Variants in SH3KBP1 observed in about 807,000 individuals in gnomAD.
SH3KBP1 encodes the protein SH3 domain-containing kinase-binding protein 1.
A neutral mutation model predicts 50.1 loss-of-function variants in SH3KBP1; 8 were observed. The ratio of observed to expected loss-of-function variants is 0.16; its 90% CI spans 0.09 to 0.29. The LOEUF is 0.29. Ranked by LOEUF, SH3KBP1 falls within the 10% of genes least tolerant of loss-of-function variation. The pLI is 1.00. For missense variants in SH3KBP1, 377 were observed against 535.2 expected (o/e 0.70, Z 2.92); for synonymous variants, 227 against 218.6 (o/e 1.04, Z -0.34).
intron 3 of SH3KBP1, among the ~76,000 whole-genome samples, chrX:19,737,724 G>C (rs757598194): frequency 9.0e-6 from 1 of 111,614 alleles, no homozygotes; most frequent in Non-Finnish European, 1.9e-5. Flanking sequence ...GCTAGGTTGG[G>C]TCCCCTCAGC....
intron 14 of SH3KBP1, among the ~76,000 whole-genome samples, chrX:19,547,235 T>G (rs2065112354): frequency 9.0e-6 from 1 of 111,592 alleles, no homozygotes; most frequent in African/African-American, 3.3e-5. Context: ...TTCCCTATTT[T>G]AGAACAAAGC....
intron 2 of SH3KBP1, among the ~76,000 whole-genome samples, chrX:19,762,404 G>A (rs1252414584): frequency 9.1e-6 from 1 of 110,382 alleles, no homozygotes; most frequent in Non-Finnish European, 1.9e-5. Flanking sequence ...CCTAAGATCA[G>A]TGCTTGAGGT....
chrX:19,680,797 G>A (rs2063032224), intron 6 of SH3KBP1, among the ~76,000 whole-genome samples: 1 of 111,884 alleles, frequency 8.9e-6, no homozygotes, highest in Admixed American at 9.5e-5. Context: ...ATGGGGTGGA[G>A]ATAGTTTCAA....
At chrX:19,556,682 T>G (rs2065500618) in intron 13 of SH3KBP1, among the ~76,000 whole-genome samples, 1 of 111,377 alleles carries the variant, frequency 9.0e-6, no homozygotes, top group Admixed American at 9.6e-5. Context: ...TTTTTCTTTT[T>G]TTTAGAGACA....
intron 8 of SH3KBP1, among the ~76,000 whole-genome samples, chrX:19,630,536 C>T (rs1351653763): frequency 2.7e-5 from 3 of 112,001 alleles, no homozygotes; most frequent in Non-Finnish European, 5.6e-5. Flanking sequence ...TTTCCTCCTG[C>T]CATGTTCAAC....
chrX:19,743,203 T>C (rs1487579012), intron 3 of SH3KBP1, among the ~76,000 whole-genome samples: 1 of 111,263 alleles, frequency 9.0e-6, no homozygotes, highest in Non-Finnish European at 1.9e-5. Context: ...AGCCCAGGCG[T>C]TCAAGACTAG....
chrX:19,707,112 G>T (rs188830651), intron 3 of SH3KBP1, 128 bp from the exon 4 acceptor site: 16 of 592,166 alleles, frequency 2.7e-5, no homozygotes, highest in Non-Finnish European at 4.2e-5. Context: ...GACATGGCTT[G>T]AGGCACGGCA....
chrX:19,853,818 C>A (rs1050455800), intron 1 of SH3KBP1, among the ~76,000 whole-genome samples: 5 of 110,229 alleles, frequency 4.5e-5, no homozygotes, highest in African/African-American at 1.6e-4. Context: ...CAAAATTAGC[C>A]GGGCGTGGTG....
chrX:19,563,611 T>C (rs1442322909), intron 13 of SH3KBP1, among the ~76,000 whole-genome samples: 1 of 112,410 alleles, frequency 8.9e-6, no homozygotes, highest in East Asian at 2.8e-4. Context: ...GAGAAATGTA[T>C]AGTGCTTTTC....
chrX:19,804,022 A>C (rs1250328674), intron 2 of SH3KBP1, among the ~76,000 whole-genome samples: 2 of 111,628 alleles, frequency 1.8e-5, no homozygotes, highest in Admixed American at 1.9e-4. Flanking sequence ...AATACAAAAA[A>C]TTAGCCAGGC....
chrX:19,599,772 A>G (rs1375491649), intron 9 of SH3KBP1, among the ~76,000 whole-genome samples: 2 of 111,840 alleles, frequency 1.8e-5, no homozygotes, highest in Non-Finnish European at 3.8e-5. Flanking sequence ...AATCAGGACC[A>G]GGGTTCTATG....
intron 1 of SH3KBP1, among the ~76,000 whole-genome samples, chrX:19,878,884 C>T (rs1401613541): frequency 1.8e-5 from 2 of 112,188 alleles, no homozygotes; most frequent in Non-Finnish European, 3.8e-5. Flanking sequence ...TACCAAAACC[C>T]ATTGAATTGC....
At chrX:19,640,137 G>T (rs1374589328) in intron 7 of SH3KBP1, among the ~76,000 whole-genome samples, 2 of 110,966 alleles carry the variant, frequency 1.8e-5, no homozygotes, top group Non-Finnish European at 3.8e-5. Context: ...CTCACTCCCT[G>T]ACAAAGTATG....
At chrX:19,736,248 C>T (rs2064570364) in intron 3 of SH3KBP1, among the ~76,000 whole-genome samples, 1 of 112,316 alleles carries the variant, frequency 8.9e-6, no homozygotes, top group Non-Finnish European at 1.9e-5. Flanking sequence ...GCCTCCCTAT[C>T]CCAAAACCTA....
chrX:19,576,601 G>A (rs914860525), intron 12 of SH3KBP1, among the ~76,000 whole-genome samples: 12 of 111,290 alleles, frequency 1.1e-4, no homozygotes, highest in Non-Finnish European at 2.3e-4. Context: ...TACCATGCAT[G>A]GCTAATTTAA....
chrX:19,692,102 T>C (rs1409017936), intron 5 of SH3KBP1, among the ~76,000 whole-genome samples: 3 of 111,971 alleles, frequency 2.7e-5, no homozygotes, highest in South Asian at 7.3e-4. Flanking sequence ...GGTAAAGATG[T>C]TTTCAAATTT....
intron 6 of SH3KBP1, among the ~76,000 whole-genome samples, chrX:19,673,315 G>A (rs1162814916): frequency 9.0e-6 from 1 of 111,609 alleles, no homozygotes; most frequent in East Asian, 2.8e-4. Context: ...ATGCCCATGT[G>A]TATATCTATG....
intron 1 of SH3KBP1, among the ~76,000 whole-genome samples, chrX:19,874,199 C>T (rs1284322679): frequency 9.9e-6 from 1 of 100,856 alleles, no homozygotes; most frequent in Non-Finnish European, 2.0e-5. Flanking sequence ...CTCTTCCTGC[C>T]CTGTGGGATT....
In SH3KBP1 at chrX:19,741,557, C is replaced by T. The variant is rs2064770205; in HGVS notation, c.286+4761G>A. Among the ~76,000 whole-genome samples the T allele has an allele frequency of 4.5e-5, 5 of 111,693 alleles. No individual in the cohort carries two copies. In the Admixed American group the frequency reaches 4.7e-4, roughly 11 times the overall value. On this transcript the variant is annotated intron_variant, in intron 3 of 17. Transcript: ENST00000397821. ...ATGTGCAAAATACAATAGAGACTTA[C>T]CAAACACTGAATTCATGATAAACTG...
Sources: gnomAD v4.1 joint callset for allele counts (sites outside exome capture counted in the v4.1 genomes callset) on GRCh38, gnomAD v4.1.1 for gene constraint, MANE v1.5 for transcripts, NCBI Gene and HGNC (gene_info 2026-07-23, HGNC 2026-07-21) for gene names.